The following PARD3 variants were observed in gnomAD, a reference collection of about 807,000 sequenced individuals.
PARD3 encodes the protein partitioning defective 3 homolog.
A neutral mutation model predicts 155.4 loss-of-function variants in PARD3; 75 were observed. The ratio of observed to expected loss-of-function variants is 0.48; its 90% confidence interval spans 0.40 to 0.58. The LOEUF is 0.58. PARD3 is among the 20% of genes least tolerant of loss of function. The pLI is 0.00. For missense variants in PARD3, 1,642 were observed against 1,721.7 expected (o/e 0.95, Z 0.82); for synonymous variants, 576 against 610.5 (o/e 0.94, Z 0.83).
intron 24 of PARD3, among the ~76,000 whole-genome samples, chr10:34,116,443 T>C (rs905086943): frequency 6.6e-6 from 1 of 152,220 alleles, no homozygotes; most frequent in South Asian, 2.1e-4. Context: ...GAATATCACA[T>C]GTCAGAAACT....
chr10:34,672,526 A>G (rs549298090), intron 2 of PARD3, among the ~76,000 whole-genome samples: 17 of 152,318 alleles, frequency 1.1e-4, no homozygotes, highest in African/African-American at 4.1e-4. Flanking sequence ...GTATTAATAA[A>G]CACATGAACG....
At chr10:34,747,988 G>A (rs1015067655) in intron 1 of PARD3, among the ~76,000 whole-genome samples, 51 of 152,280 alleles carry the variant, frequency 3.3e-4, no homozygotes, top group African/African-American at 1.2e-3. Context: ...CTAAACCCAG[G>A]CAGCCATGGA....
intron 22 of PARD3, among the ~76,000 whole-genome samples, chr10:34,198,026 C>T (rs1951030976): frequency 6.6e-6 from 1 of 152,134 alleles, no homozygotes; most frequent in Non-Finnish European, 1.5e-5. Context: ...CGCGCCCGGC[C>T]GAATCTGCTG....
chr10:34,770,850 C>T (rs1254174379), intron 1 of PARD3, among the ~76,000 whole-genome samples: 1 of 152,122 alleles, frequency 6.6e-6, no homozygotes, highest in Admixed American at 6.5e-5. Context: ...ATGACAGACC[C>T]GGAAAGGTGG....
chr10:34,222,220 C>T (rs764268201), intron 22 of PARD3, among the ~76,000 whole-genome samples: 25 of 152,022 alleles, frequency 1.6e-4, no homozygotes, highest in Admixed American at 2.6e-4. Flanking sequence ...TTTTTTCTTG[C>T]GCTCTGAATA....
chr10:34,516,108 GCAAC>G (rs1564799465), intron 3 of PARD3, among the ~76,000 whole-genome samples: 3 of 151,996 alleles, frequency 2.0e-5, no homozygotes, highest in Non-Finnish European at 4.4e-5. Context: ...GGGATTACAG[GCAAC>G]CGCCACCACG....
chr10:34,341,531 T>TA, intron 16 of PARD3, 96 bp downstream of exon 16: 1 of 882,632 alleles, frequency 1.1e-6, no homozygotes, highest in Non-Finnish European at 1.7e-6. Flanking sequence ...ACAGAGCTAT[T>TA]AAAAAAATGA....
At chr10:34,476,620 T>C (rs1332183856) in intron 3 of PARD3, among the ~76,000 whole-genome samples, 2 of 152,124 alleles carry the variant, frequency 1.3e-5, no homozygotes, top group Non-Finnish European at 2.9e-5. Context: ...TTGCTGGGTT[T>C]AGAAGTTCCC....
intron 20 of PARD3, among the ~76,000 whole-genome samples, chr10:34,310,571 C>T (rs1056378967): frequency 5.3e-5 from 8 of 152,188 alleles, no homozygotes; most frequent in African/African-American, 1.9e-4. Flanking sequence ...GAGGCCCAGC[C>T]GTCATGCTTT....
intron 20 of PARD3, among the ~76,000 whole-genome samples, chr10:34,310,310 CCT>C (rs1957636280): frequency 6.6e-6 from 1 of 152,064 alleles, no homozygotes; most frequent in African/African-American, 2.4e-5. Flanking sequence ...ATTTATTTAC[CCT>C]GTGTTATTAG....
At chr10:34,412,376 T>G (rs925496118) in intron 5 of PARD3, among the ~76,000 whole-genome samples, 1 of 152,202 alleles carries the variant, frequency 6.6e-6, no homozygotes, top group African/African-American at 2.4e-5. Context: ...TAAAAAGCGA[T>G]GTACTCTCTT....
chr10:34,763,481 G>A lies in PARD3; in HGVS notation c.120+51395C>T, dbSNP rs1204001999. On this transcript the variant is annotated intron_variant, in intron 1 of 24. Coordinates refer to ENST00000374788, the MANE Select transcript of PARD3 (RefSeq NM_001184785.2). Reference sequence around the variant, plus strand: ...GGAGAAAGACACAGGGTCATTCCCTGTATCATTGCAACTTCCTGCAAATCT... The same window carrying A: ...GGAGAAAGACACAGGGTCATTCCCTATATCATTGCAACTTCCTGCAAATCT... Among the ~76,000 whole-genome samples, 5 of 152,184 alleles carry A rather than the reference G, an allele frequency of 3.3e-5. No homozygotes were observed. The South Asian group carries it at 6.2e-4, about 19-fold the overall frequency.
At chr10:34,152,777 A>AC (rs1292180744) in intron 22 of PARD3, among the ~76,000 whole-genome samples, 1 of 87,700 alleles carries the variant, frequency 1.1e-5, no homozygotes, top group Non-Finnish European at 2.9e-5. Flanking sequence ...CCATGCAGAC[A>AC]ACTGGCCGTA....
intron 2 of PARD3, among the ~76,000 whole-genome samples, chr10:34,551,332 C>T (rs1243818561): frequency 6.6e-6 from 1 of 152,204 alleles, no homozygotes; most frequent in African/African-American, 2.4e-5. Context: ...CAATTTTAAC[C>T]AACATGACTG....
intron 3 of PARD3, among the ~76,000 whole-genome samples, chr10:34,479,231 G>A (rs781716758): frequency 9.2e-5 from 13 of 140,942 alleles, no homozygotes; most frequent in Admixed American, 2.2e-4. Context: ...GCACAATCTT[G>A]GCTCACTGCA....
At chr10:34,461,476 G>C (rs980516486) in intron 4 of PARD3, among the ~76,000 whole-genome samples, 1 of 151,998 alleles carries the variant, frequency 6.6e-6, no homozygotes, top group Non-Finnish European at 1.5e-5. Flanking sequence ...TGTGGTAGTG[G>C]GCGCCTGTAA....
chr10:34,397,830 C>T (rs1485793094), intron 7 of PARD3, among the ~76,000 whole-genome samples: 5 of 152,212 alleles, frequency 3.3e-5, no homozygotes, highest in African/African-American at 9.6e-5. Flanking sequence ...CATTTTAAGA[C>T]ATATGCATAT....
intron 22 of PARD3, among the ~76,000 whole-genome samples, chr10:34,263,081 C>T (rs998464899): frequency 6.6e-6 from 1 of 152,308 alleles, no homozygotes; most frequent in East Asian, 1.9e-4. Flanking sequence ...TATAAAGAAT[C>T]AAACCTGTCT....
At chr10:34,306,598 G>A (rs988401666) in intron 20 of PARD3, among the ~76,000 whole-genome samples, 11 of 152,082 alleles carry the variant, frequency 7.2e-5, no homozygotes, top group Non-Finnish European at 1.3e-4. Context: ...GCAGTGAGCT[G>A]AAATCGTGCC....
Sources: allele counts gnomAD v4.1 joint callset (sites outside exome capture counted in the v4.1 genomes callset), GRCh38; gene constraint gnomAD v4.1.1; transcripts MANE v1.5; gene names NCBI Gene and HGNC (gene_info 2026-07-23, HGNC 2026-07-21).